The following TK1 variants were observed in gnomAD, a reference collection of about 807,000 sequenced individuals.
TK1 encodes thymidine kinase 1, also known as thymidine kinase, cytosolic.
In TK1, 13 loss-of-function variants were observed where a neutral mutation model predicts 22.4. The ratio of observed to expected loss-of-function variants is 0.58; its 90% CI spans 0.38 to 0.92. The LOEUF (loss-of-function observed/expected upper bound fraction) is 0.92, where lower values mean the gene tolerates loss of function less well. Among genes scored for constraint, TK1 ranks in the 40% least tolerant of loss-of-function variants. The pLI, the probability that TK1 is intolerant of heterozygous loss-of-function variation, is 0.00. For missense variants in TK1, 251 were observed against 315.7 expected, an observed-to-expected ratio of 0.80 and a Z score of 1.55; for synonymous variants, 134 against 125.4, an observed-to-expected ratio of 1.07 and a Z score of -0.46.
In TK1 at chr17:78,183,975, AC is replaced by A. The variant is rs376828335; in HGVS notation, c.209+1079del. On this transcript the variant is annotated intron_variant, in intron 3 of 6. Coordinates refer to ENST00000301634, the MANE Select transcript of TK1 (RefSeq NM_003258.5). ...AGATGACTTGTGACACACGGGCAGA[AC>A]TCATATTTAATCCCGGATCTGACTG... is the stretch of plus-strand genomic sequence containing the variant. 3.0e-4 allele frequency among the ~76,000 whole-genome samples: 45 copies of A among 152,288 alleles called. 2 individuals are homozygous for A. The highest frequency in any genetic ancestry group is 8.9e-4 in the African/African-American group (37 of 41,556).
At chr17:78,186,881 C>T in intron 1 of TK1, 48 bp downstream of exon 1, 1 of 1,565,436 alleles carries the variant, frequency 6.4e-7, no homozygotes, top group Non-Finnish European at 8.7e-7. Flanking sequence ...CACAGGCTAT[C>T]ACCACGACCA....
intron 2 of TK1, 55 bp from the exon 3 acceptor site, chr17:78,185,220 A>T: frequency 7.2e-7 from 1 of 1,388,554 alleles, no homozygotes; most frequent in Non-Finnish European, 1.0e-6. Context: ...TGGGAGAAGG[A>T]GACCCCTCCC....
chr17:78,186,754 A>T, intron 2 of TK1, 33 bp downstream of exon 2: 1 of 1,563,812 alleles, frequency 6.4e-7, no homozygotes, highest in Non-Finnish European at 8.6e-7. Flanking sequence ...GAGAAGAGGA[A>T]GGAGCTCCAC....
At chr17:78,186,666 A>C in intron 2 of TK1, 121 bp downstream of exon 2, 35 of 777,252 alleles carry the variant, frequency 4.5e-5, no homozygotes, top group Non-Finnish European at 5.5e-5. Context: ...TTCTAGGGGA[A>C]GGGAAGGGGA....
In TK1 at chr17:78,174,731, A is replaced by T; in HGVS notation, c.*28T>A. Reference sequence around the variant, plus strand: ...GCGTCCAGTAGGCGGCAGTGGCAGGAAGGGAGCGGGCGGCCCTCGCAGGTC... The same window carrying T: ...GCGTCCAGTAGGCGGCAGTGGCAGGTAGGGAGCGGGCGGCCCTCGCAGGTC... On this transcript the variant is annotated 3_prime_UTR_variant, in exon 7 of 7. Transcript: ENST00000301634. The T allele has an allele frequency of 6.5e-7, 1 of 1,547,056 alleles. No individual in the cohort carries two copies.
At chr17:78,181,608 CAAAAG>C (rs1227757692) in intron 4 of TK1, among the ~76,000 whole-genome samples, 1 of 151,380 alleles carries the variant, frequency 6.6e-6, no homozygotes, top group African/African-American at 2.4e-5. Context: ...AACTAGATGA[CAAAAG>C]AAAGATTTCC....
chr17:78,176,165 AC>A (rs781582079), intron 4 of TK1, among the ~76,000 whole-genome samples: 2 of 152,134 alleles, frequency 1.3e-5, no homozygotes, highest in Non-Finnish European at 1.5e-5. Context: ...CGGGGGTCCT[AC>A]TGGCCATTTA....
At chr17:78,177,099 C>T (rs2075706139) in intron 4 of TK1, among the ~76,000 whole-genome samples, 6 of 152,160 alleles carry the variant, frequency 3.9e-5, no homozygotes, top group Admixed American at 3.9e-4. Context: ...TTCTTGCACC[C>T]GGCACTTCCC....
intron 4 of TK1, 23 bp downstream of exon 4, chr17:78,182,566 G>A: frequency 6.5e-7 from 1 of 1,535,114 alleles, no homozygotes; most frequent in Middle Eastern, 1.7e-4. Flanking sequence ...CAGGAAGAGT[G>A]ATGCCAAGAC....
At chr17:78,181,040 G>T (rs1307856472) in intron 4 of TK1, among the ~76,000 whole-genome samples, 1 of 152,208 alleles carries the variant, frequency 6.6e-6, no homozygotes, top group African/African-American at 2.4e-5. Context: ...CCTGAGGTCA[G>T]GAGTTCCAGA....
At chr17:78,181,680 A>G (rs964815418) in intron 4 of TK1, among the ~76,000 whole-genome samples, 8 of 152,158 alleles carry the variant, frequency 5.3e-5, no homozygotes, top group African/African-American at 1.9e-4. Context: ...CTACTAAAAA[A>G]GGTACTTCAA....
intron 6 of TK1, 31 bp from the exon 7 acceptor site, chr17:78,174,981 G>T: frequency 6.2e-7 from 1 of 1,610,802 alleles, no homozygotes; most frequent in Non-Finnish European, 8.5e-7. Context: ...TGGGTGAAGG[G>T]CCAGGACAGG....
intron 2 of TK1, among the ~76,000 whole-genome samples, chr17:78,185,577 T>G (rs944862691): frequency 1.3e-5 from 2 of 152,072 alleles, no homozygotes; most frequent in Non-Finnish European, 2.9e-5. Context: ...TAGGTTAGAG[T>G]GCAGTGGAGC....
intron 6 of TK1, 33 bp downstream of exon 6, chr17:78,175,017 C>A (rs772819484): frequency 6.2e-6 from 10 of 1,611,280 alleles, no homozygotes; most frequent in Non-Finnish European, 8.5e-6. Flanking sequence ...TACCCCCACC[C>A]CGCCGGCCTG....
intron 2 of TK1, 42 bp from the exon 3 acceptor site, chr17:78,185,207 G>T: frequency 6.5e-7 from 1 of 1,534,596 alleles, no homozygotes; most frequent in Non-Finnish European, 9.0e-7. Context: ...ACGGCGGGAG[G>T]AGTGGGAGAA....
chr17:78,176,856 A>AC (rs2075704055), intron 4 of TK1, among the ~76,000 whole-genome samples: 1 of 149,000 alleles, frequency 6.7e-6, no homozygotes, highest in Non-Finnish European at 1.5e-5. Context: ...CACACCTCCC[A>AC]CCCCCCAGCT....
At chr17:78,175,028 C>T (rs757391967) in intron 6 of TK1, 22 bp downstream of exon 6, 1 of 1,611,946 alleles carries the variant, frequency 6.2e-7, no homozygotes, top group African/African-American at 1.3e-5. Flanking sequence ...CGCCGGCCTG[C>T]AGGGAAGGCA....
chr17:78,176,953 C>T (rs989168751), intron 4 of TK1, among the ~76,000 whole-genome samples: 3 of 152,274 alleles, frequency 2.0e-5, no homozygotes, highest in South Asian at 2.1e-4. Flanking sequence ...GAACCTTGCT[C>T]CTTCACCCGC....
chr17:78,177,705 C>CT (rs1034810411), intron 4 of TK1, among the ~76,000 whole-genome samples: 5 of 152,046 alleles, frequency 3.3e-5, no homozygotes, highest in African/African-American at 1.2e-4. Flanking sequence ...TCCCGAGTAG[C>CT]TGAGACTACA....
Sources: allele counts gnomAD v4.1 joint callset (sites outside exome capture counted in the v4.1 genomes callset), GRCh38; gene constraint gnomAD v4.1.1; transcripts MANE v1.5; gene names NCBI Gene and HGNC (gene_info 2026-07-23, HGNC 2026-07-21).